Variants in SCN10A observed in about 807,000 individuals in gnomAD.
SCN10A encodes the protein sodium channel protein type 10 subunit alpha.
Under a neutral mutation model 170.7 loss-of-function variants are expected in SCN10A, and 162 were observed. The ratio of observed to expected loss-of-function variants is 0.95; its 90% CI spans 0.84 to 1.08. The LOEUF is 1.08. Among genes scored for constraint, SCN10A ranks in the 50% least tolerant of loss-of-function variants. The pLI, the probability that SCN10A is intolerant of heterozygous loss-of-function variation, is 0.00. For missense variants in SCN10A, 2,527 were observed against 2,436.9 expected, an observed-to-expected ratio of 1.04 and a Z score of -0.78; for synonymous variants, 985 against 904.6, an observed-to-expected ratio of 1.09 and a Z score of -1.59.
At chr3:38,778,847 T>C (rs1365862036) in intron 4 of SCN10A, among the ~76,000 whole-genome samples, 4 of 152,082 alleles carry the variant, frequency 2.6e-5, no homozygotes, top group Non-Finnish European at 5.9e-5. Context: ...ATGCTGAACA[T>C]CATCCAATAC....
At chr3:38,795,679 G>C (rs1396993226) in intron 1 of SCN10A, among the ~76,000 whole-genome samples, 1 of 151,846 alleles carries the variant, frequency 6.6e-6, no homozygotes, top group Non-Finnish European at 1.5e-5. Flanking sequence ...CTCCTTCTCA[G>C]TCTCTCCTTT....
chr3:38,781,833 G>C (rs1268456441), intron 4 of SCN10A, among the ~76,000 whole-genome samples: 1 of 151,794 alleles, frequency 6.6e-6, no homozygotes, highest in East Asian at 1.9e-4. Context: ...TCTCTTATTT[G>C]CTTTTTATTT....
At chr3:38,722,156 G>A in intron 20 of SCN10A, 102 bp downstream of exon 20, 1 of 1,169,112 alleles carries the variant, frequency 8.6e-7, no homozygotes, top group East Asian at 2.4e-5. Flanking sequence ...GGGACTTTCA[G>A]CTCAGTAGTC....
At chr3:38,796,931 T>C (rs1194181886) in intron 1 of SCN10A, among the ~76,000 whole-genome samples, 1 of 152,094 alleles carries the variant, frequency 6.6e-6, no homozygotes, top group Non-Finnish European at 1.5e-5. Flanking sequence ...GTACAGTGCC[T>C]GGAACTAACT....
intron 1 of SCN10A, among the ~76,000 whole-genome samples, chr3:38,795,346 TC>T (rs201645018): frequency 0.011 from 1,552 of 141,612 alleles, 55 homozygotes; most frequent in African/African-American, 0.024. Flanking sequence ...TTTTTCTTTT[TC>T]TTTTTTTTTT....
chr3:38,729,241 G>A (rs972809551), intron 15 of SCN10A, among the ~76,000 whole-genome samples: 10 of 152,146 alleles, frequency 6.6e-5, no homozygotes, highest in African/African-American at 2.4e-4. Flanking sequence ...AGGTGGGGTG[G>A]GTGTGATGGG....
intron 4 of SCN10A, among the ~76,000 whole-genome samples, chr3:38,785,676 A>AT (rs1280608299): frequency 6.6e-6 from 1 of 152,216 alleles, no homozygotes; most frequent in Non-Finnish European, 1.5e-5. Flanking sequence ...AAAAGAAACT[A>AT]TCATCAGAGT....
rs187783193 is a variant in SCN10A at position 38,804,000 on chromosome 3, T to C, written c.-32-9958A>G. ...CCATCAGCTCTTGATTGGACTGCTA[T>C]TATATCTTCTTAACTTATCTCACTG... On this transcript the variant is annotated intron_variant, in intron 1 of 27. Coordinates refer to ENST00000449082, the MANE Select transcript of SCN10A (RefSeq NM_006514.4). 1.2e-4 allele frequency among the ~76,000 whole-genome samples: 19 copies of C among 152,206 alleles called. 1 individual carries two copies. Among genetic ancestry groups the C allele is most frequent in the African/African-American group, 4.6e-4 (19 of 41,532 alleles).
chr3:38,721,119 C>T lies in SCN10A; in HGVS notation c.3507+1139G>A, dbSNP rs530311911. On this transcript the variant is annotated intron_variant, in intron 20 of 27. Coordinates refer to ENST00000449082, the MANE Select transcript of SCN10A (RefSeq NM_006514.4). ...CCACCTCTCAGATCCTGCCTCGTCCCGCACCTGTGCTCCTCCCTAAAGCTG... is the reference window on the plus strand; with the variant it reads ...CCACCTCTCAGATCCTGCCTCGTCCTGCACCTGTGCTCCTCCCTAAAGCTG... 1.2e-4 allele frequency among the ~76,000 whole-genome samples: 19 copies of T among 152,330 alleles called. No homozygotes were observed. In the South Asian group the frequency reaches 3.1e-3, roughly 25 times the overall value.
At chr3:38,719,386 T>C (rs1196215375) in intron 20 of SCN10A, among the ~76,000 whole-genome samples, 39 of 43,220 alleles carry the variant, frequency 9.0e-4, no homozygotes, top group Non-Finnish European at 1.5e-3. Flanking sequence ...TTTTTTTTTT[T>C]TTTTTTTTTT....
intron 5 of SCN10A, among the ~76,000 whole-genome samples, chr3:38,764,930 G>A (rs2126035491): frequency 6.6e-6 from 1 of 152,126 alleles, no homozygotes; most frequent in South Asian, 2.1e-4. Flanking sequence ...TCTCATTGTG[G>A]TTTTAATTTG....
At chr3:38,806,893 T>A (rs368055518) in intron 1 of SCN10A, among the ~76,000 whole-genome samples, 174 of 152,318 alleles carry the variant, frequency 1.1e-3, no homozygotes, top group African/African-American at 4.1e-3. Context: ...ATGGTTCAGC[T>A]GCCCCAAATA....
At chr3:38,796,019 T>C (rs1449982731) in intron 1 of SCN10A, among the ~76,000 whole-genome samples, 2 of 152,150 alleles carry the variant, frequency 1.3e-5, no homozygotes, top group African/African-American at 4.8e-5. Context: ...TCACTTCTCA[T>C]TTATATGCAG....
intron 1 of SCN10A, among the ~76,000 whole-genome samples, chr3:38,806,769 C>G (rs1378289455): frequency 6.6e-6 from 1 of 152,088 alleles, no homozygotes. Flanking sequence ...TTCCACACCA[C>G]TAGCTCTCAG....
At position 38,697,306 on chromosome 3, in the gene SCN10A, A is replaced by T. The variant is rs1305392572; in HGVS notation, c.*43T>A. On this transcript the variant is annotated 3_prime_UTR_variant, in exon 28 of 28. Transcript: ENST00000449082. ...TGGGAAAGAGTTAACACAGAGCAGA[A>T]GGACGCATCATAACTGAACATATCC... The T allele has an allele frequency of 2.5e-6, 4 of 1,598,188 alleles. No individual in the cohort carries two copies. The highest frequency in any genetic ancestry group is 3.4e-6 in the Non-Finnish European group (4 of 1,170,532).
rs2063755207 is a variant in SCN10A at position 38,752,278 on chromosome 3, C to T, written c.1696G>A (p.Glu566Lys). 1 of 1,597,296 alleles carries T rather than the reference C, an allele frequency of 6.3e-7. No homozygotes were observed. Reference protein sequence around the residue: ...QPSNPDSRHGEDEHQPPPTSE... With the variant: ...QPSNPDSRHGKDEHQPPPTSE... The stretch of plus-strand genomic sequence containing the variant: ...GTGGGCGGCGGTTGGTGTTCATCTT[C>T]TCCATGCCTGGAGTCAGGGTTGCTG... The change falls in exon 12 of 28, where the codon GAA becomes AAA. Residue 566 changes from glutamate (E) to lysine (K), a missense_variant. Glu to Lys is a moderately conservative substitution (Grantham distance 56). Coordinates refer to ENST00000449082, the MANE Select transcript of SCN10A (RefSeq NM_006514.4).
intron 1 of SCN10A, among the ~76,000 whole-genome samples, chr3:38,801,068 G>A (rs2064367967): frequency 6.6e-6 from 1 of 152,180 alleles, no homozygotes; most frequent in African/African-American, 2.4e-5. Flanking sequence ...GAATAAGGGT[G>A]ACAGTGAGGG....
In SCN10A at chr3:38,698,096, G is replaced by T. The variant is rs779225765; in HGVS notation, c.5124C>A (p.Ile1708=). ...GIIFFTTYII[I]SFLIMVNMYI... Reference sequence around the variant, plus strand: ...ACATGTTGACCATGATGAGGAAGGAGATGATGATGTAGGTGGTGAAGAAGA... The same window carrying T: ...ACATGTTGACCATGATGAGGAAGGATATGATGATGTAGGTGGTGAAGAAGA... Residue 1708 remains isoleucine (I), a synonymous_variant, in exon 28 of 28, where the codon ATC becomes ATA. Coordinates refer to ENST00000449082, the MANE Select transcript of SCN10A (RefSeq NM_006514.4). 6.2e-7 allele frequency: 1 copy of T among 1,614,082 alleles called. No individual in the cohort carries two copies. The highest frequency in any genetic ancestry group is 8.5e-7 in the Non-Finnish European group (1 of 1,179,944).
chr3:38,752,746 G>A (rs77499968), intron 11 of SCN10A, among the ~76,000 whole-genome samples: 4 of 152,332 alleles, frequency 2.6e-5, no homozygotes, highest in East Asian at 1.9e-4. Context: ...AGATTACAGC[G>A]TGCTGATGCT....
Sources: gnomAD v4.1 joint callset for allele counts (sites outside exome capture counted in the v4.1 genomes callset) on GRCh38, gnomAD v4.1.1 for gene constraint, MANE v1.5 for transcripts, NCBI Gene and HGNC (gene_info 2026-07-23, HGNC 2026-07-21) for gene names.